The following ADGRL3 variants were observed in gnomAD, a reference collection of about 807,000 sequenced individuals.
The protein encoded by ADGRL3 is calcium-independent alpha-latrotoxin receptor 3.
In ADGRL3, 62 loss-of-function variants were observed where a neutral mutation model predicts 153.5. The observed-to-expected ratio is 0.40, with a 90% CI of 0.33 to 0.50. The LOEUF (loss-of-function observed/expected upper bound fraction) is 0.50. Ranked by LOEUF, ADGRL3 falls within the 20% of genes least tolerant of loss-of-function variation. ADGRL3 has a pLI of 0.47. For synonymous variants in ADGRL3, 710 were observed against 672.5 expected (o/e 1.06, Z -0.86); for missense variants, 1,641 against 1,859.4 (o/e 0.88, Z 2.16).
chr4:62,073,241 T>G lies in ADGRL3; in HGVS notation c.*2333T>G, dbSNP rs1560587419. On this transcript the variant is annotated 3_prime_UTR_variant, in exon 27 of 27. Coordinates refer to ENST00000683033, the MANE Select transcript of ADGRL3 (RefSeq NM_001387552.1). ...CAAAAAAATTTCTGCTGAGCCAGAGTGCATCATAACCTTCACATCACCTCA... is the reference window on the plus strand; with the variant it reads ...CAAAAAAATTTCTGCTGAGCCAGAGGGCATCATAACCTTCACATCACCTCA... 2 of 152,114 alleles carry G rather than the reference T, an allele frequency of 1.3e-5. No individual in the cohort carries two copies. The highest frequency in any genetic ancestry group is 6.6e-5 in the Admixed American group (1 of 15,258). The allele number at this position is 152,114 out of a possible 1,614,324, so 9.4% of individuals were successfully genotyped here. A position where few individuals can be genotyped will look rare whatever the true frequency, so the allele number is the denominator to read the frequency against.
At chr4:61,971,037 AG>A (rs961605502) in intron 17 of ADGRL3, among the ~76,000 whole-genome samples, 2 of 152,168 alleles carry the variant, frequency 1.3e-5, no homozygotes, top group Admixed American at 6.6e-5. Context: ...GTTAGTAGTA[AG>A]GTAAACACTC....
Position 62,073,805 on chromosome 4 carries a change from T to A in ADGRL3, c.*2897T>A, listed in dbSNP as rs1232988979. ...AAGCTCTTGCATCAAGAAAAAAGAG[T>A]GAGATTTTTGAACTCTATACATCAT... On this transcript the variant is annotated 3_prime_UTR_variant, in exon 27 of 27. Transcript: ENST00000683033. 1 of 151,668 alleles carries A rather than the reference T, an allele frequency of 6.6e-6. No homozygotes were observed. The highest frequency in any genetic ancestry group is 2.4e-5 in the African/African-American group (1 of 41,274). The allele number at this position is 151,668 out of a possible 1,614,324, so 9.4% of individuals were successfully genotyped here.
intron 2 of ADGRL3, among the ~76,000 whole-genome samples, chr4:61,400,636 A>G (rs1224501691): frequency 4.0e-5 from 6 of 151,800 alleles, no homozygotes; most frequent in African/African-American, 7.2e-5. Context: ...GGAAATGGGG[A>G]AAACTATCAA....
chr4:61,968,460 T>C (rs190070483), intron 17 of ADGRL3, among the ~76,000 whole-genome samples: 415 of 152,322 alleles, frequency 2.7e-3, no homozygotes, highest in Non-Finnish European at 4.2e-3. Flanking sequence ...ATCTGTCATA[T>C]ATTTAAAAAT....
intron 8 of ADGRL3, 132 bp downstream of exon 8, chr4:61,733,686 T>A (rs2096471222): frequency 4.4e-6 from 3 of 682,102 alleles, no homozygotes; most frequent in East Asian, 2.7e-5. Context: ...TCTTTGTCTT[T>A]GCATCTAAAG....
intron 6 of ADGRL3, among the ~76,000 whole-genome samples, chr4:61,686,845 AC>A (rs966353860): frequency 1.7e-4 from 26 of 151,974 alleles, no homozygotes; most frequent in Admixed American, 1.4e-3. Flanking sequence ...TTCTACTCTT[AC>A]CTCTATGAAA....
chr4:61,237,987 T>C (rs564842087), intron 1 of ADGRL3, among the ~76,000 whole-genome samples: 9 of 152,322 alleles, frequency 5.9e-5, no homozygotes, highest in African/African-American at 1.9e-4. Flanking sequence ...TGTGCTGTTA[T>C]CAATTCATTG....
chr4:61,389,053 A>G (rs138743812), intron 2 of ADGRL3, among the ~76,000 whole-genome samples: 3 of 152,022 alleles, frequency 2.0e-5, no homozygotes, highest in African/African-American at 7.2e-5. Flanking sequence ...TTCTGTTTTT[A>G]TGTGTCTTTT....
chr4:61,638,648 C>T (rs1463071983), intron 5 of ADGRL3, among the ~76,000 whole-genome samples: 1 of 152,102 alleles, frequency 6.6e-6, no homozygotes. Context: ...AATGTTTATA[C>T]ACTGAGTTCC....
chr4:61,426,228 T>TGGGCC (rs1279791285), intron 2 of ADGRL3, among the ~76,000 whole-genome samples: 2 of 152,238 alleles, frequency 1.3e-5, no homozygotes, highest in Non-Finnish European at 2.9e-5. Flanking sequence ...ACCACAAGAT[T>TGGGCC]GGGCCCTGGT....
chr4:61,519,712 C>T (rs1252174763), intron 4 of ADGRL3, among the ~76,000 whole-genome samples: 1 of 152,112 alleles, frequency 6.6e-6, no homozygotes, highest in African/African-American at 2.4e-5. Flanking sequence ...ATCTTGAGCT[C>T]TTTAAATTGA....
At chr4:61,869,685 TC>T (rs887195609) in intron 9 of ADGRL3, among the ~76,000 whole-genome samples, 2 of 151,498 alleles carry the variant, frequency 1.3e-5, no homozygotes, top group Non-Finnish European at 2.9e-5. Context: ...TGAGGAATAA[TC>T]CCAACACTTT....
rs923974544 is a variant in ADGRL3 at position 62,041,334 on chromosome 4, A to G, written c.3718-3119A>G. The stretch of plus-strand genomic sequence containing the variant: ...CACAGAAATGGGTGTAACTTTTTTT[A>G]AACTATGGACTGAAATAATATCTTT... On this transcript the variant is annotated intron_variant, in intron 24 of 26. Transcript: ENST00000683033. Among the ~76,000 whole-genome samples the G allele has an allele frequency of 8.5e-5, 13 of 152,202 alleles. No individual in the cohort carries two copies. In the East Asian group the frequency reaches 1.5e-3, roughly 18 times the overall value.
intron 3 of ADGRL3, among the ~76,000 whole-genome samples, chr4:61,502,445 G>T (rs1189018346): frequency 2.7e-5 from 4 of 149,804 alleles, no homozygotes; most frequent in African/African-American, 9.8e-5. Flanking sequence ...AAAGAAAACT[G>T]CAACGTAAAA....
chr4:61,683,847 C>G (rs1171311288), intron 6 of ADGRL3, among the ~76,000 whole-genome samples: 1 of 152,126 alleles, frequency 6.6e-6, no homozygotes, highest in African/African-American at 2.4e-5. Context: ...CCAGGCTGGT[C>G]TCGAACTCCT....
At chr4:61,310,828 CT>C (rs778492406) in intron 1 of ADGRL3, among the ~76,000 whole-genome samples, 1 of 151,416 alleles carries the variant, frequency 6.6e-6, no homozygotes, top group Non-Finnish European at 1.5e-5. Context: ...TCACCTCCGG[CT>C]GAGTGCTTGT....
intron 6 of ADGRL3, among the ~76,000 whole-genome samples, chr4:61,695,039 A>G (rs534017327): frequency 6.6e-6 from 1 of 152,208 alleles, no homozygotes; most frequent in African/African-American, 2.4e-5. Flanking sequence ...TTTGCACCAT[A>G]TCTTCAGTTA....
chr4:61,330,701 G>A (rs974267644), intron 1 of ADGRL3, among the ~76,000 whole-genome samples: 8 of 152,216 alleles, frequency 5.3e-5, no homozygotes, highest in East Asian at 3.9e-4. Flanking sequence ...TGTAAAGAGC[G>A]AAAGAACAAA....
intron 5 of ADGRL3, among the ~76,000 whole-genome samples, chr4:61,589,497 A>G (rs2098960526): frequency 6.6e-6 from 1 of 150,810 alleles, no homozygotes; most frequent in Non-Finnish European, 1.5e-5. Context: ...AATGGTACAA[A>G]CAGTTTAAAT....
Sources: gnomAD v4.1 joint callset for allele counts (sites outside exome capture counted in the v4.1 genomes callset) on GRCh38, gnomAD v4.1.1 for gene constraint, MANE v1.5 for transcripts, NCBI Gene and HGNC (gene_info 2026-07-23, HGNC 2026-07-21) for gene names.